The following DLG2 variants were observed in gnomAD, a reference collection of about 807,000 sequenced individuals.
DLG2 encodes discs large MAGUK scaffold protein 2.
DLG2 carries 45 observed loss-of-function variants against 132.5 expected under a neutral mutation model. The ratio of observed to expected loss-of-function variants is 0.34; its 90% CI spans 0.27 to 0.44. The LOEUF (loss-of-function observed/expected upper bound fraction) is 0.44. Among genes scored for constraint, DLG2 ranks in the 20% least tolerant of loss-of-function variants. The pLI is 1.00. For synonymous variants in DLG2, 424 were observed against 419.6 expected (o/e 1.01, Z -0.13); for missense variants, 1,045 against 1,196.9 (o/e 0.87, Z 1.87).
chr11:85,262,532 G>A (rs2076996889), intron 4 of DLG2, among the ~76,000 whole-genome samples: 2 of 152,166 alleles, frequency 1.3e-5, no homozygotes, highest in South Asian at 4.1e-4. Flanking sequence ...GATTTAGCAG[G>A]AGACAAGATA....
chr11:83,707,336 G>C (rs1328858139), intron 18 of DLG2, among the ~76,000 whole-genome samples: 1 of 152,184 alleles, frequency 6.6e-6, no homozygotes, highest in Non-Finnish European at 1.5e-5. Flanking sequence ...CCTTATTCCT[G>C]AATTATATCC....
intron 3 of DLG2, among the ~76,000 whole-genome samples, chr11:85,385,682 G>A (rs1045895022): frequency 4.6e-5 from 7 of 152,134 alleles, no homozygotes; most frequent in Non-Finnish European, 1.0e-4. Flanking sequence ...CTATGCTAAG[G>A]CTGTGAAACT....
intron 11 of DLG2, among the ~76,000 whole-genome samples, chr11:84,044,622 T>A (rs1043460615): frequency 6.6e-6 from 1 of 151,778 alleles, no homozygotes; most frequent in Non-Finnish European, 1.5e-5. Context: ...TTTTGTTAAA[T>A]GTCCTACACC....
chr11:84,965,584 G>A (rs1566526832), intron 6 of DLG2, among the ~76,000 whole-genome samples: 1 of 152,074 alleles, frequency 6.6e-6, no homozygotes, highest in East Asian at 1.9e-4. Context: ...TTTTGTTCAT[G>A]TGTTAACTTC....
chr11:85,312,696 G>A (rs1312477015), intron 3 of DLG2, among the ~76,000 whole-genome samples: 1 of 151,856 alleles, frequency 6.6e-6, no homozygotes, highest in Non-Finnish European at 1.5e-5. Context: ...CTAGGAGCTT[G>A]AAAAAGTAAA....
In DLG2 at chr11:85,112,882, C is replaced by A. The variant is rs961460116; in HGVS notation, c.283-1147G>T. Among the ~76,000 whole-genome samples, 74 of 151,962 alleles carry A rather than the reference C, an allele frequency of 4.9e-4. 7 individuals carry two copies. On this transcript the variant is annotated intron_variant, in intron 5 of 27. Coordinates refer to ENST00000376104, the MANE Select transcript of DLG2 (RefSeq NM_001142699.3). ...ATGGGAGGTAAGCCATGTCATCATC[C>A]AATCTGATTTTATCTAATGAATGAT...
chr11:84,285,857 A>C (rs1299914590), intron 7 of DLG2, among the ~76,000 whole-genome samples: 2 of 152,228 alleles, frequency 1.3e-5, no homozygotes, highest in Non-Finnish European at 2.9e-5. Context: ...TCATCTATAT[A>C]TAGATAGTGT....
chr11:85,324,148 C>G (rs944470741), intron 3 of DLG2, among the ~76,000 whole-genome samples: 2 of 152,152 alleles, frequency 1.3e-5, no homozygotes, highest in African/African-American at 4.8e-5. Context: ...ATTTAAGTCA[C>G]CAGACATGGC....
chr11:84,096,852 T>C (rs2097171936), intron 10 of DLG2, among the ~76,000 whole-genome samples: 1 of 151,762 alleles, frequency 6.6e-6, no homozygotes, highest in African/African-American at 2.4e-5. Flanking sequence ...AAAAAGCTTA[T>C]TTCATGTGGG....
At chr11:85,089,076 G>A (rs1209433554) in intron 6 of DLG2, among the ~76,000 whole-genome samples, 4 of 152,196 alleles carry the variant, frequency 2.6e-5, no homozygotes, top group Admixed American at 6.5e-5. Context: ...AGGGTCCAAA[G>A]TCTCCCAGTT....
chr11:84,825,247 T>G (rs1030062576), intron 6 of DLG2, among the ~76,000 whole-genome samples: 2 of 151,828 alleles, frequency 1.3e-5, no homozygotes, highest in Non-Finnish European at 2.9e-5. Flanking sequence ...TGAAGTCTTG[T>G]GATCAGATCA....
At chr11:85,228,034 T>C (rs1386901969) in intron 4 of DLG2, among the ~76,000 whole-genome samples, 1 of 152,076 alleles carries the variant, frequency 6.6e-6, no homozygotes. Context: ...TACTCCTCAA[T>C]GAGATTTCCT....
rs184194143 is a variant in DLG2, at chr11:85,360,033, G to A, written c.41-74668C>T. ...CTCACACACCCTGCATACTCAGGGC[G>A]TGTGCTGAAGCAGAGCGAAAGATTA... On this transcript the variant is annotated intron_variant, in intron 3 of 27. Coordinates refer to ENST00000376104, the MANE Select transcript of DLG2 (RefSeq NM_001142699.3). Among the ~76,000 whole-genome samples the A allele has an allele frequency of 1.1e-4, 17 of 152,266 alleles. No individual in the cohort carries two copies. In the East Asian group the frequency reaches 2.7e-3, roughly 24 times the overall value.
chr11:83,789,704 C>T (rs112285442), intron 17 of DLG2, among the ~76,000 whole-genome samples: 6,658 of 152,176 alleles, frequency 0.044, 424 homozygotes, highest in African/African-American at 0.14. Flanking sequence ...CGTGCCACCA[C>T]GCCCAGCTAT....
chr11:84,794,173 A>G (rs2074246161), intron 6 of DLG2, among the ~76,000 whole-genome samples: 1 of 152,276 alleles, frequency 6.6e-6, no homozygotes, highest in South Asian at 2.1e-4. Flanking sequence ...AGGAAAAAGA[A>G]AACTATTTAG....
At chr11:85,340,251 A>C (rs1193923771) in intron 3 of DLG2, among the ~76,000 whole-genome samples, 9 of 152,244 alleles carry the variant, frequency 5.9e-5, no homozygotes, top group African/African-American at 2.2e-4. Flanking sequence ...AATGCCCATC[A>C]ATGATAGACT....
chr11:84,275,437 C>T (rs1413903075), intron 7 of DLG2, among the ~76,000 whole-genome samples: 1 of 152,148 alleles, frequency 6.6e-6, no homozygotes, highest in East Asian at 1.9e-4. Flanking sequence ...TTACTGCAAG[C>T]TCCACCTTTC....
chr11:84,615,931 A>G (rs781747372), intron 6 of DLG2, among the ~76,000 whole-genome samples: 13 of 151,720 alleles, frequency 8.6e-5, no homozygotes, highest in Non-Finnish European at 1.6e-4. Flanking sequence ...AATTCTGGGT[A>G]TAAATGGTAA....
At chr11:83,556,716 G>A (rs976510912) in intron 19 of DLG2, among the ~76,000 whole-genome samples, 1 of 152,212 alleles carries the variant, frequency 6.6e-6, no homozygotes, top group African/African-American at 2.4e-5. Flanking sequence ...CTTTGATAAG[G>A]AAGTAATTGG....
Sources: allele counts gnomAD v4.1 joint callset (sites outside exome capture counted in the v4.1 genomes callset), GRCh38; gene constraint gnomAD v4.1.1; transcripts MANE v1.5; gene names NCBI Gene and HGNC (gene_info 2026-07-23, HGNC 2026-07-21).